ANO2: variants seen among roughly 807,000 people sequenced by gnomAD.
ANO2 encodes anoctamin-2.
Under a neutral mutation model 124.2 loss-of-function variants are expected in ANO2, and 101 were observed. That is an observed-to-expected ratio of 0.81 (90% CI 0.69 to 0.96). The LOEUF is 0.96. Ranked by LOEUF, ANO2 falls within the 40% of genes least tolerant of loss-of-function variation. The pLI is 0.00. For missense variants in ANO2, 1,293 were observed against 1,274.5 expected (o/e 1.01, Z -0.22); for synonymous variants, 486 against 482.5 (o/e 1.01, Z -0.09).
At chr12:5,858,549 T>C (rs1051418964) in intron 3 of ANO2, 30 of 152,168 alleles carry the variant, frequency 2.0e-4, no homozygotes, top group African/African-American at 6.8e-4. Flanking sequence ...AAAAAATTAT[T>C]TGCCTCCAGA....
rs113469011 is a variant in ANO2, at chr12:5,808,572, C to T, written c.893-1204G>A. ...TGGTACACAATGATTTCCCTTGTCT[C>T]GCACTTACTTTCTGCCCTGAACCAT... On this transcript the variant is annotated intron_variant, in intron 7 of 24. Coordinates refer to ENST00000682330, the MANE Select transcript of ANO2 (RefSeq NM_001364791.2). Among the ~76,000 whole-genome samples the T allele has an allele frequency of 7.5e-3, 1,135 of 152,190 alleles. 8 individuals carry two copies. The highest frequency in any genetic ancestry group is 0.011 in the Non-Finnish European group (746 of 68,024).
intron 7 of ANO2, among the ~76,000 whole-genome samples, chr12:5,810,179 G>A (rs1386784146): frequency 6.6e-6 from 1 of 152,122 alleles, no homozygotes; most frequent in African/African-American, 2.4e-5. Context: ...CCAATCAGTG[G>A]CTGATAAGGG....
At chr12:5,906,914 G>A (rs1055617212) in intron 3 of ANO2, among the ~76,000 whole-genome samples, 1 of 152,184 alleles carries the variant, frequency 6.6e-6, no homozygotes, top group East Asian at 1.9e-4. Context: ...AGCTCTAGAA[G>A]GTGTACTAGG....
chr12:5,876,769 G>C (rs1410445125), intron 3 of ANO2, among the ~76,000 whole-genome samples: 2 of 152,184 alleles, frequency 1.3e-5, no homozygotes, highest in Non-Finnish European at 2.9e-5. Flanking sequence ...ATAAGTGGGA[G>C]CTGAACAACG....
At chr12:5,697,235 C>T (rs1238030366) in intron 14 of ANO2, among the ~76,000 whole-genome samples, 1 of 152,036 alleles carries the variant, frequency 6.6e-6, no homozygotes, top group Non-Finnish European at 1.5e-5. Context: ...AGATCAAGAC[C>T]ATCCTGGCCA....
intron 20 of ANO2, 120 bp downstream of exon 20, chr12:5,599,364 C>T (rs949026096): frequency 2.5e-6 from 3 of 1,224,238 alleles, no homozygotes; most frequent in Non-Finnish European, 3.4e-6. Flanking sequence ...AGCCATGAAG[C>T]TCATGAAGAA....
At position 5,563,261 on chromosome 12, in the gene ANO2, T is replaced by TCTG. The variant is rs1416174507; in HGVS notation, c.*35_*37dup. 1.7e-5 allele frequency: 26 copies of TCTG among 1,570,148 alleles called. No homozygotes were observed. The highest frequency in any genetic ancestry group is 2.1e-5 in the Non-Finnish European group (25 of 1,163,590). On this transcript the variant is annotated 3_prime_UTR_variant, in exon 25 of 25. Coordinates refer to ENST00000682330, the MANE Select transcript of ANO2 (RefSeq NM_001364791.2). ...ACATGCTTACGTGCATGTGCGTGTC[T>TCTG]CTGCTGCCGTGCCCTCCTCTGCTGC... is the stretch of plus-strand genomic sequence containing the variant.
intron 6 of ANO2, among the ~76,000 whole-genome samples, chr12:5,830,182 TC>T (rs1328146176): frequency 6.6e-6 from 1 of 152,162 alleles, no homozygotes; most frequent in African/African-American, 2.4e-5. Flanking sequence ...TCTCTGTTTT[TC>T]TTTTTTTTCT....
intron 14 of ANO2, among the ~76,000 whole-genome samples, chr12:5,688,851 C>T (rs1041325122): frequency 6.8e-6 from 1 of 146,830 alleles, no homozygotes; most frequent in Non-Finnish European, 1.5e-5. Flanking sequence ...TCTCAAGTGC[C>T]AAGGAAGACT....
intron 12 of ANO2, among the ~76,000 whole-genome samples, chr12:5,743,037 G>A (rs531775166): frequency 3.9e-4 from 59 of 152,064 alleles, no homozygotes; most frequent in South Asian, 8.4e-4. Flanking sequence ...ATTTTTATTG[G>A]TGGCCTAGCA....
At chr12:5,902,626 G>A (rs1394855194) in intron 3 of ANO2, among the ~76,000 whole-genome samples, 1 of 4,504 alleles carries the variant, frequency 2.2e-4, no homozygotes, top group Non-Finnish European at 5.1e-4. Context: ...GGGGAGGGGA[G>A]GGGAGGGGAG....
intron 3 of ANO2, among the ~76,000 whole-genome samples, chr12:5,887,249 C>T (rs758207381): frequency 2.0e-5 from 3 of 151,952 alleles, no homozygotes; most frequent in Non-Finnish European, 4.4e-5. Flanking sequence ...CATTCACTGG[C>T]CCCAAACCCC....
At chr12:5,603,906 C>G (rs1422150411) in intron 19 of ANO2, among the ~76,000 whole-genome samples, 3 of 131,002 alleles carry the variant, frequency 2.3e-5, no homozygotes, top group Non-Finnish European at 4.6e-5. Context: ...GATAGCGCCA[C>G]TGCAGTCCGT....
chr12:5,701,646 G>T (rs1949409492), intron 14 of ANO2, among the ~76,000 whole-genome samples: 1 of 152,138 alleles, frequency 6.6e-6, no homozygotes, highest in South Asian at 2.1e-4. Context: ...GCTAGTTTAA[G>T]ACCCTCCATG....
At chr12:5,681,067 G>A (rs1250726580) in intron 14 of ANO2, among the ~76,000 whole-genome samples, 1 of 152,150 alleles carries the variant, frequency 6.6e-6, no homozygotes, top group Admixed American at 6.5e-5. Flanking sequence ...CTCTCCTCCC[G>A]ACATTGGTTC....
chr12:5,857,341 G>A (rs1955129082), intron 3 of ANO2, among the ~76,000 whole-genome samples: 1 of 152,180 alleles, frequency 6.6e-6, no homozygotes, highest in Non-Finnish European at 1.5e-5. Context: ...ACATGGGGGT[G>A]CAGGTATCCC....
At chr12:5,732,701 A>G (rs946417206) in intron 13 of ANO2, 71 bp from the exon 14 acceptor site, 16 of 1,535,648 alleles carry the variant, frequency 1.0e-5, no homozygotes, top group Non-Finnish European at 1.4e-5. Flanking sequence ...TTATAACCAG[A>G]CACATGTACA....
At chr12:5,584,665 C>G (rs1430285617) in intron 20 of ANO2, among the ~76,000 whole-genome samples, 1 of 152,158 alleles carries the variant, frequency 6.6e-6, no homozygotes, top group Non-Finnish European at 1.5e-5. Context: ...CCCCTTTTCC[C>G]AAGAGCAAGG....
At chr12:5,831,083 A>G (rs914547917) in intron 5 of ANO2, among the ~76,000 whole-genome samples, 2 of 152,172 alleles carry the variant, frequency 1.3e-5, no homozygotes, top group Non-Finnish European at 2.9e-5. Context: ...TCATATACTG[A>G]GCTTTCACTC....
Sources: allele counts gnomAD v4.1 joint callset (sites outside exome capture counted in the v4.1 genomes callset), GRCh38; gene constraint gnomAD v4.1.1; transcripts MANE v1.5; gene names NCBI Gene and HGNC (gene_info 2026-07-23, HGNC 2026-07-21).